Variants in CNGB1 observed in about 807,000 individuals in gnomAD.
The protein encoded by CNGB1 is cyclic nucleotide gated channel subunit beta 1.
Under a neutral mutation model 151.7 loss-of-function variants are expected in CNGB1, and 126 were observed. The ratio of observed to expected loss-of-function variants is 0.83; its 90% CI spans 0.72 to 0.96. The LOEUF (loss-of-function observed/expected upper bound fraction) is 0.96, where lower values mean the gene tolerates loss of function less well. CNGB1 is among the 40% of genes least tolerant of loss of function. The probability of loss-of-function intolerance (pLI) is 0.00; values close to 1 mark genes in which losing one functional copy is unlikely to be tolerated. For missense variants in CNGB1, 1,698 were observed against 1,627.0 expected (o/e 1.04, Z -0.75); for synonymous variants, 623 against 635.1 (o/e 0.98, Z 0.29).
At chr16:57,911,728 C>A in intron 25 of CNGB1, 25 bp downstream of exon 25, 1 of 1,613,310 alleles carries the variant, frequency 6.2e-7, no homozygotes, top group Non-Finnish European at 8.5e-7. Context: ...CCAGGCATGG[C>A]CCCAGGGGGA....
intron 25 of CNGB1, among the ~76,000 whole-genome samples, chr16:57,909,277 A>T (rs1305614582): frequency 6.6e-6 from 1 of 152,210 alleles, no homozygotes; most frequent in Non-Finnish European, 1.5e-5. Flanking sequence ...CTCAAAAAAT[A>T]GTAACAATAA....
chr16:57,927,857 A>G (rs1961234389), intron 17 of CNGB1, among the ~76,000 whole-genome samples: 2 of 152,220 alleles, frequency 1.3e-5, no homozygotes, highest in South Asian at 4.1e-4. Context: ...TGGGCTTTGT[A>G]CATACTTCAG....
intron 14 of CNGB1, among the ~76,000 whole-genome samples, chr16:57,943,785 A>G (rs1961731224): frequency 6.6e-6 from 1 of 152,226 alleles, no homozygotes; most frequent in Non-Finnish European, 1.5e-5. Context: ...AGTTCCACCA[A>G]AAGTTAAAAA....
At chr16:57,958,156 G>C (rs1244896665) in intron 11 of CNGB1, among the ~76,000 whole-genome samples, 1 of 152,168 alleles carries the variant, frequency 6.6e-6, no homozygotes, top group Non-Finnish European at 1.5e-5. Context: ...ATGCTCCCAG[G>C]AGGCTCCACT....
chr16:57,957,262 G>T (rs1489082349), intron 12 of CNGB1, 79 bp downstream of exon 12: 15 of 1,388,426 alleles, frequency 1.1e-5, no homozygotes, highest in African/African-American at 2.8e-5. Context: ...CAGCCCCCCT[G>T]CCCACATACA....
At chr16:57,904,702 TG>T in intron 26 of CNGB1, 31 bp downstream of exon 26, 1 of 1,613,380 alleles carries the variant, frequency 6.2e-7, no homozygotes, top group Non-Finnish European at 8.5e-7. Context: ...TGCAGTCAGG[TG>T]GGGTGGGAAG....
At chr16:57,908,161 G>C (rs1486250953) in intron 25 of CNGB1, among the ~76,000 whole-genome samples, 1 of 152,234 alleles carries the variant, frequency 6.6e-6, no homozygotes, top group Non-Finnish European at 1.5e-5. Flanking sequence ...AAAGTGCCGG[G>C]ATTACAGATA....
At chr16:57,892,182 C>T (rs1183172615) in intron 31 of CNGB1, among the ~76,000 whole-genome samples, 1 of 152,000 alleles carries the variant, frequency 6.6e-6, no homozygotes, top group African/African-American at 2.4e-5. Flanking sequence ...GGGGAGCGTG[C>T]ACTTGGGGTG....
intron 14 of CNGB1, among the ~76,000 whole-genome samples, chr16:57,944,206 T>C (rs992478291): frequency 6.6e-6 from 1 of 152,176 alleles, no homozygotes. Flanking sequence ...ACAATAGAAT[T>C]CAGCCTTTAA....
intron 27 of CNGB1, among the ~76,000 whole-genome samples, chr16:57,902,545 A>G (rs1433884606): frequency 2.0e-5 from 3 of 146,920 alleles, no homozygotes; most frequent in African/African-American, 5.1e-5. Flanking sequence ...GGGCTCAAGC[A>G]ATCCACCTGC....
chr16:57,906,901 G>A (rs1250931658), intron 25 of CNGB1, among the ~76,000 whole-genome samples: 1 of 152,206 alleles, frequency 6.6e-6, no homozygotes, highest in Non-Finnish European at 1.5e-5. Flanking sequence ...ACTGGGGCAG[G>A]AGAGCACTGG....
At chr16:57,920,571 C>T in intron 18 of CNGB1, 27 bp from the exon 19 acceptor site, 1 of 1,608,256 alleles carries the variant, frequency 6.2e-7, no homozygotes, top group Non-Finnish European at 8.5e-7. Context: ...CAAAGCTGAG[C>T]AGGCTGAGCC....
chr16:57,896,692 G>A (rs1333416294), intron 31 of CNGB1, among the ~76,000 whole-genome samples: 2 of 150,842 alleles, frequency 1.3e-5, no homozygotes, highest in African/African-American at 2.4e-5. Flanking sequence ...CAGCCTGGGC[G>A]ACAGAGCAAG....
chr16:57,903,185 CTT>C (rs60099371), intron 27 of CNGB1, among the ~76,000 whole-genome samples: 9 of 122,628 alleles, frequency 7.3e-5, no homozygotes, highest in Admixed American at 8.4e-5. Flanking sequence ...GTCCTTCTTC[CTT>C]TTTTTTTTTT....
chr16:57,895,715 C>T (rs890585850), intron 31 of CNGB1, among the ~76,000 whole-genome samples: 5 of 152,030 alleles, frequency 3.3e-5, no homozygotes, highest in African/African-American at 1.2e-4. Context: ...GGAATCAAGG[C>T]TCCTTGGAGA....
intron 16 of CNGB1, among the ~76,000 whole-genome samples, chr16:57,933,587 G>C (rs554465323): frequency 1.2e-4 from 18 of 152,206 alleles, no homozygotes; most frequent in African/African-American, 3.9e-4. Context: ...CACCTAGGGG[G>C]GTCTACCCAA....
rs1246921476 is a variant in CNGB1 at position 57,884,383 on chromosome 16, G to C, written c.3537C>G (p.Ala1179=). Reference sequence around the variant, plus strand: ...TCCGGGGCGCGGGTGGGTCGGTGGCGGCCTCCTTTGGGTGCGTGTGCTGGT... The same window carrying C: ...TCCGGGGCGCGGGTGGGTCGGTGGCCGCCTCCTTTGGGTGCGTGTGCTGGT... ...APDQHTHPKE[A]ATDPPAPRTP... Residue 1179 remains alanine (A), a synonymous_variant, in exon 33 of 33, where the codon GCC becomes GCG. Coordinates refer to ENST00000251102, the MANE Select transcript of CNGB1 (RefSeq NM_001297.5). The C allele has an allele frequency of 6.2e-7, 1 of 1,612,510 alleles. No individual in the cohort carries two copies. The highest frequency in any genetic ancestry group is 1.7e-5 in the Admixed American group (1 of 59,976).
chr16:57,964,260 C>CAAGCAGGGTAGAAA, intron 3 of CNGB1, 58 bp from the exon 4 acceptor site: 2 of 1,570,280 alleles, frequency 1.3e-6, no homozygotes, highest in Non-Finnish European at 8.8e-7. Context: ...CATTTCTACC[C>CAAGCAGGGTAGAAA]TGCTTGGGGA....
chr16:57,944,260 T>A (rs1319666054), intron 14 of CNGB1, among the ~76,000 whole-genome samples: 4 of 152,194 alleles, frequency 2.6e-5, no homozygotes, highest in Non-Finnish European at 5.9e-5. Context: ...GGACATTATG[T>A]TAAGTGAAAT....
Sources: gnomAD v4.1 joint callset for allele counts (sites outside exome capture counted in the v4.1 genomes callset) on GRCh38, gnomAD v4.1.1 for gene constraint, MANE v1.5 for transcripts, NCBI Gene and HGNC (gene_info 2026-07-23, HGNC 2026-07-21) for gene names.